The following LMX1A variants were observed in gnomAD, a reference collection of about 807,000 sequenced individuals.
The protein encoded by LMX1A is LIM homeobox transcription factor 1-alpha.
A neutral mutation model predicts 49.1 loss-of-function variants in LMX1A; 15 were observed. The ratio of observed to expected loss-of-function variants is 0.31; its 90% CI spans 0.20 to 0.47. The LOEUF (loss-of-function observed/expected upper bound fraction) is 0.47, where lower values mean the gene tolerates loss of function less well. LMX1A is among the 20% of genes least tolerant of loss of function. LMX1A has a pLI of 1.00. For synonymous variants in LMX1A, 167 were observed against 185.7 expected (o/e 0.90, Z 0.82); for missense variants, 372 against 475.8 (o/e 0.78, Z 2.03).
In LMX1A at chr1:165,303,028, T is replaced by C. The variant is rs1014485661; in HGVS notation, c.263+50048A>G. ...TATTCTTTTTACAATCATCTTATTATATCTTTGTCTTCATTATAAATTGCT... is the reference window on the plus strand; with the variant it reads ...TATTCTTTTTACAATCATCTTATTACATCTTTGTCTTCATTATAAATTGCT... On this transcript the variant is annotated intron_variant, in intron 3 of 8. Coordinates refer to ENST00000342310, the MANE Select transcript of LMX1A (RefSeq NM_177398.4). Among the ~76,000 whole-genome samples, 11 of 152,266 alleles carry C rather than the reference T, an allele frequency of 7.2e-5. 1 individual carries two copies. The South Asian group carries it at 1.4e-3, about 20-fold the overall frequency.
At chr1:165,264,328 G>T (rs1177051596) in intron 3 of LMX1A, among the ~76,000 whole-genome samples, 2 of 152,130 alleles carry the variant, frequency 1.3e-5, no homozygotes, top group African/African-American at 4.8e-5. Context: ...AGTAGCTAAA[G>T]AACCACAAAA....
chr1:165,307,438 G>C (rs1265460434), intron 3 of LMX1A, among the ~76,000 whole-genome samples: 6 of 152,208 alleles, frequency 3.9e-5, no homozygotes, highest in Non-Finnish European at 8.8e-5. Flanking sequence ...AAATGAGCTG[G>C]TTTGAGTAAG....
rs532009206 is a variant in LMX1A at position 165,269,733 on chromosome 1, G to A, written c.264-20093C>T. 7.9e-5 allele frequency among the ~76,000 whole-genome samples: 12 copies of A among 152,280 alleles called. No individual in the cohort carries two copies. The South Asian group carries it at 8.3e-4, about 11-fold the overall frequency. On this transcript the variant is annotated intron_variant, in intron 3 of 8. Transcript: ENST00000342310. The stretch of plus-strand genomic sequence containing the variant: ...CAGCCATAAAAAGGAATGAGATCAC[G>A]TCCTTTGCAGGGACACGGATGAAGC...
chr1:165,330,811 G>T (rs76838221), intron 3 of LMX1A, among the ~76,000 whole-genome samples: 1 of 152,162 alleles, frequency 6.6e-6, no homozygotes, highest in African/African-American at 2.4e-5. Context: ...AATAAACCTG[G>T]AAAGACACAG....
chr1:165,206,392 A>G (rs1360126456), intron 7 of LMX1A, among the ~76,000 whole-genome samples: 1 of 152,168 alleles, frequency 6.6e-6, no homozygotes, highest in East Asian at 1.9e-4. Flanking sequence ...GGTTGATGGG[A>G]AGATTCCATA....
intron 3 of LMX1A, among the ~76,000 whole-genome samples, chr1:165,288,409 C>T (rs1654358130): frequency 6.6e-6 from 1 of 152,220 alleles, no homozygotes; most frequent in Non-Finnish European, 1.5e-5. Flanking sequence ...GTAACAACCA[C>T]TTAGCTCTTA....
intron 4 of LMX1A, among the ~76,000 whole-genome samples, chr1:165,229,515 C>T (rs1044800728): frequency 5.9e-5 from 9 of 152,240 alleles, no homozygotes; most frequent in Admixed American, 3.9e-4. Flanking sequence ...AAACCTACTT[C>T]TACCAGTTAC....
chr1:165,266,761 C>G (rs2101691437), intron 3 of LMX1A, among the ~76,000 whole-genome samples: 1 of 152,018 alleles, frequency 6.6e-6, no homozygotes, highest in South Asian at 2.1e-4. Context: ...GCCACCACGC[C>G]CAGCTAATTT....
At chr1:165,259,076 A>T (rs1653344295) in intron 3 of LMX1A, among the ~76,000 whole-genome samples, 1 of 152,236 alleles carries the variant, frequency 6.6e-6, no homozygotes, top group Non-Finnish European at 1.5e-5. Context: ...GCCCATGTAA[A>T]TATTTATATA....
At chr1:165,269,322 C>A (rs1653718765) in intron 3 of LMX1A, among the ~76,000 whole-genome samples, 1 of 152,196 alleles carries the variant, frequency 6.6e-6, no homozygotes, top group African/African-American at 2.4e-5. Flanking sequence ...AAGAGTTCAG[C>A]AAACTAATAG....
intron 4 of LMX1A, among the ~76,000 whole-genome samples, chr1:165,221,167 C>T (rs1157983354): frequency 3.3e-5 from 5 of 151,992 alleles, no homozygotes; most frequent in African/African-American, 9.7e-5. Flanking sequence ...ATTTGCCTCA[C>T]GGGTTGTTGT....
chr1:165,226,165 C>G (rs1652027300), intron 4 of LMX1A, among the ~76,000 whole-genome samples: 1 of 152,206 alleles, frequency 6.6e-6, no homozygotes, highest in Non-Finnish European at 1.5e-5. Context: ...CCACCAAGCA[C>G]AAGGCCAAGC....
intron 3 of LMX1A, among the ~76,000 whole-genome samples, chr1:165,328,328 C>T (rs1350560217): frequency 2.0e-5 from 3 of 152,186 alleles, no homozygotes; most frequent in Non-Finnish European, 4.4e-5. Flanking sequence ...GTACATCTGT[C>T]GCTGGGCAGG....
chr1:165,281,484 T>C (rs1405518112), intron 3 of LMX1A, among the ~76,000 whole-genome samples: 1 of 152,146 alleles, frequency 6.6e-6, no homozygotes, highest in Non-Finnish European at 1.5e-5. Context: ...ACATTGAGCA[T>C]GGAGTTTAGC....
At chr1:165,336,349 G>A (rs1655897883) in intron 3 of LMX1A, among the ~76,000 whole-genome samples, 1 of 152,066 alleles carries the variant, frequency 6.6e-6, no homozygotes, top group Non-Finnish European at 1.5e-5. Context: ...CGGGATCACA[G>A]GACACTTTGA....
intron 3 of LMX1A, among the ~76,000 whole-genome samples, chr1:165,257,458 C>T (rs1653291284): frequency 2.0e-5 from 3 of 152,022 alleles, no homozygotes; most frequent in South Asian, 4.2e-4. Context: ...AAAGTTGATC[C>T]CTTGAGGCTA....
At chr1:165,248,411 T>A (rs1652935038) in intron 4 of LMX1A, among the ~76,000 whole-genome samples, 1 of 152,046 alleles carries the variant, frequency 6.6e-6, no homozygotes, top group Admixed American at 6.6e-5. Context: ...CACATAGATG[T>A]TACCTAATTG....
chr1:165,294,913 G>A (rs376045821), intron 3 of LMX1A, among the ~76,000 whole-genome samples: 19 of 152,176 alleles, frequency 1.2e-4, no homozygotes, highest in African/African-American at 4.1e-4. Flanking sequence ...GCAATGAGCC[G>A]AGATCACGCC....
chr1:165,230,407 A>AC (rs35052733), intron 4 of LMX1A, among the ~76,000 whole-genome samples: 17,943 of 151,984 alleles, frequency 0.12, 1,220 homozygotes, highest in Admixed American at 0.15. Flanking sequence ...GCCCAAGGAA[A>AC]CCCCCCCAGT....
Sources: gnomAD v4.1 joint callset for allele counts (sites outside exome capture counted in the v4.1 genomes callset) on GRCh38, gnomAD v4.1.1 for gene constraint, MANE v1.5 for transcripts, NCBI Gene and HGNC (gene_info 2026-07-23, HGNC 2026-07-21) for gene names.